BAZ1A: variants seen among roughly 807,000 people sequenced by gnomAD.
The protein encoded by BAZ1A is bromodomain adjacent to zinc finger domain 1A.
A neutral mutation model predicts 185.2 loss-of-function variants in BAZ1A; 50 were observed. The observed-to-expected ratio is 0.27, with a 90% CI of 0.22 to 0.34. BAZ1A has a LOEUF of 0.34. BAZ1A is among the 10% of genes least tolerant of loss of function. The pLI is 1.00. For missense variants in BAZ1A, 1,356 were observed against 1,839.9 expected, an observed-to-expected ratio of 0.74 and a Z score of 4.81; for synonymous variants, 571 against 615.6, an observed-to-expected ratio of 0.93 and a Z score of 1.07.
Position 34,758,843 on chromosome 14 carries a change from G to C in BAZ1A, c.4247C>G (p.Pro1416Arg), listed in dbSNP as rs552576780. The C allele has an allele frequency of 6.2e-7, 1 of 1,612,706 alleles. No individual in the cohort carries two copies. Among genetic ancestry groups the C allele is most frequent in the Non-Finnish European group, 8.5e-7 (1 of 1,179,710 alleles). Residue 1416 changes from proline to arginine, a missense_variant, in exon 25 of 27, where the codon CCA becomes CGA. This residue lies in a region of BAZ1A where 309 missense variants were observed against 355.3 expected (regional missense o/e 0.87). Coordinates refer to ENST00000360310, the MANE Select transcript of BAZ1A (RefSeq NM_013448.3). ...CCTTCGACCCAGTGTCACAGGCGAT[G>C]GCTCTGAGTAAATAATTACAACATT... ...RRCRKRQSPE[P>R]SPVTLGRRSS...
Position 34,775,835 on chromosome 14 carries a change from T to C in BAZ1A, c.2833+84A>G, listed in dbSNP as rs567332966. 210 of 1,048,726 alleles carry C rather than the reference T, an allele frequency of 2.0e-4. No individual in the cohort carries two copies. The Middle Eastern group carries it at 2.5e-3, about 13-fold the overall frequency. 65.0% of individuals were successfully genotyped at this position (1,048,726 alleles called of 1,614,324 possible). Reference sequence around the variant, plus strand: ...TAAGGTGTTGTAAATGTATTTCTAATAGGTTGCAAAAACGCTTAATCCTGA... The same window carrying C: ...TAAGGTGTTGTAAATGTATTTCTAACAGGTTGCAAAAACGCTTAATCCTGA... On this transcript the variant is annotated intron_variant, in intron 18 of 26. Coordinates refer to ENST00000360310, the MANE Select transcript of BAZ1A (RefSeq NM_013448.3).
intron 12 of BAZ1A, among the ~76,000 whole-genome samples, chr14:34,791,753 G>T (rs1454566509): frequency 6.6e-6 from 1 of 152,152 alleles, no homozygotes; most frequent in Non-Finnish European, 1.5e-5. Flanking sequence ...TCAAGTTTCT[G>T]GTCCTAAATC....
chr14:34,867,455 GC>G (rs1008997629), intron 2 of BAZ1A, among the ~76,000 whole-genome samples: 2 of 143,184 alleles, frequency 1.4e-5, no homozygotes, highest in African/African-American at 4.9e-5. Flanking sequence ...TCATGCCATG[GC>G]AGGGGGACAG....
chr14:34,801,004 C>A, intron 8 of BAZ1A, 90 bp downstream of exon 8: 8 of 847,060 alleles, frequency 9.4e-6, no homozygotes, highest in East Asian at 6.0e-5. Flanking sequence ...TAACCAGAAA[C>A]ATGCCATTTC....
Position 34,764,780 on chromosome 14 carries a change from C to G in BAZ1A, c.3703G>C (p.Glu1235Gln). The change falls in exon 23 of 27, where the codon GAA becomes CAA. Residue 1235 changes from glutamate to glutamine, a missense_variant. Coordinates refer to ENST00000360310, the MANE Select transcript of BAZ1A (RefSeq NM_013448.3). Reference sequence around the variant, plus strand: ...TACTCTTCCTCCTCACTTTGACCTTCTTCTTCATCGCCATCAACTTCATCA... The same window carrying G: ...TACTCTTCCTCCTCACTTTGACCTTGTTCTTCATCGCCATCAACTTCATCA... ...EDDEVDGDEE[E>Q]GQSEEEEYEV... The G allele has an allele frequency of 1.2e-6, 2 of 1,611,286 alleles. No individual in the cohort carries two copies. Among genetic ancestry groups the G allele is most frequent in the African/African-American group, 2.7e-5 (2 of 74,986 alleles).
At chr14:34,869,022 C>T (rs1276911146) in intron 2 of BAZ1A, among the ~76,000 whole-genome samples, 3 of 150,404 alleles carry the variant, frequency 2.0e-5, no homozygotes, top group East Asian at 2.0e-4. Context: ...CTGGCTAACA[C>T]GGTGAAACCT....
chr14:34,861,845 T>A (rs2042774059), intron 3 of BAZ1A, among the ~76,000 whole-genome samples, 199 bp downstream of exon 3: 1 of 152,160 alleles, frequency 6.6e-6, no homozygotes, highest in Non-Finnish European at 1.5e-5. Context: ...CATGCACGTA[T>A]ATGTTTTTGG....
chr14:34,772,322 T>C (rs191419738), intron 20 of BAZ1A, among the ~76,000 whole-genome samples: 37 of 152,236 alleles, frequency 2.4e-4, no homozygotes, highest in African/African-American at 8.4e-4. Context: ...CTTCCCAGTG[T>C]CCTATTTTTC....
chr14:34,754,417 C>CAAAA (rs111245900), intron 26 of BAZ1A, among the ~76,000 whole-genome samples: 1 of 104,894 alleles, frequency 9.5e-6, no homozygotes, highest in African/African-American at 3.6e-5. Flanking sequence ...AGACGTATCT[C>CAAAA]AAAAAAAAAA....
intron 17 of BAZ1A, among the ~76,000 whole-genome samples, chr14:34,777,611 T>C: frequency 7.4e-6 from 1 of 135,566 alleles, no homozygotes; most frequent in African/African-American, 2.8e-5. Flanking sequence ...GCCACTGTAC[T>C]CCACCCTGGG....
chr14:34,861,979 T>C (rs1223724004), intron 3 of BAZ1A, 65 bp downstream of exon 3: 10 of 1,534,968 alleles, frequency 6.5e-6, no homozygotes, highest in Non-Finnish European at 8.9e-6. Context: ...CACCACTTTG[T>C]GTGTTTTGGA....
intron 21 of BAZ1A, among the ~76,000 whole-genome samples, chr14:34,766,809 A>C (rs1361824017): frequency 6.6e-6 from 1 of 152,236 alleles, no homozygotes; most frequent in East Asian, 1.9e-4. Context: ...GAGGAATGAG[A>C]GTTAATCAAA....
At chr14:34,845,676 T>C (rs1255046942) in intron 3 of BAZ1A, among the ~76,000 whole-genome samples, 3 of 151,896 alleles carry the variant, frequency 2.0e-5, no homozygotes, top group Admixed American at 6.6e-5. Context: ...CTGGCTAACA[T>C]GGTGAAAAAC....
chr14:34,795,928 C>T (rs1881166018), intron 9 of BAZ1A, among the ~76,000 whole-genome samples, 163 bp from the exon 10 acceptor site: 1 of 152,092 alleles, frequency 6.6e-6, no homozygotes, highest in South Asian at 2.1e-4. Flanking sequence ...TTCTAGCAAG[C>T]CCTTCTGGTG....
rs1408386235 is a variant in BAZ1A at position 34,761,977 on chromosome 14, G to C, written c.4023C>G (p.Gly1341=). 1.2e-6 allele frequency: 2 copies of C among 1,614,044 alleles called. No individual in the cohort carries two copies. The highest frequency in any genetic ancestry group is 1.7e-6 in the Non-Finnish European group (2 of 1,180,040). ...CCACAAATACATCTGCTTGCAGTGGGCCATGACTGTGGCGAGTAGAACGAC... is the reference window on the plus strand; with the variant it reads ...CCACAAATACATCTGCTTGCAGTGGCCCATGACTGTGGCGAGTAGAACGAC... The part of the protein sequence containing the change: ...IASRSTRHSH[G]PLQADVFVEL... Residue 1341 remains glycine (G), a synonymous_variant, in exon 24 of 27, where the codon GGC becomes GGG. Coordinates refer to ENST00000360310, the MANE Select transcript of BAZ1A (RefSeq NM_013448.3).
At position 34,758,804 on chromosome 14, in the gene BAZ1A, T is replaced by C. The variant is rs896255449; in HGVS notation, c.4286A>G (p.Gln1429Arg). The change falls in exon 25 of 27, where the codon CAG (glutamine) becomes CGG (arginine). Residue 1429 changes from glutamine to arginine, a missense_variant. Coordinates refer to ENST00000360310, the MANE Select transcript of BAZ1A (RefSeq NM_013448.3). ...VTLGRRSSGR[Q>R]GGVHELSAFE... ...AGCAGACAATTCATGAACTCCTCCCTGTCGGCCAGAACTCCTTCGACCCAG... is the reference window on the plus strand; with the variant it reads ...AGCAGACAATTCATGAACTCCTCCCCGTCGGCCAGAACTCCTTCGACCCAG... 1 of 1,614,192 alleles carries C rather than the reference T, an allele frequency of 6.2e-7. No homozygotes were observed. The highest frequency in any genetic ancestry group is 1.1e-5 in the South Asian group (1 of 91,080).
intron 4 of BAZ1A, among the ~76,000 whole-genome samples, chr14:34,820,842 T>C (rs1335122854): frequency 6.6e-6 from 1 of 152,226 alleles, no homozygotes; most frequent in Non-Finnish European, 1.5e-5. Flanking sequence ...GTTTTGCCTT[T>C]GCTGCTTTGT....
At chr14:34,786,044 A>G (rs1011461602) in intron 13 of BAZ1A, 43 bp from the exon 14 acceptor site, 5 of 1,595,940 alleles carry the variant, frequency 3.1e-6, no homozygotes, top group Non-Finnish European at 4.3e-6. Flanking sequence ...AATATAAACA[A>G]TAAATACTCA....
chr14:34,843,343 G>A (rs924943795), intron 3 of BAZ1A, among the ~76,000 whole-genome samples: 4 of 152,156 alleles, frequency 2.6e-5, no homozygotes, highest in Non-Finnish European at 1.5e-5. Flanking sequence ...CATACAGCAC[G>A]CTGAGGCTTG....
Sources: allele counts gnomAD v4.1 joint callset (sites outside exome capture counted in the v4.1 genomes callset), GRCh38; gene constraint gnomAD v4.1.1; regional missense constraint gnomAD v4.1.1; transcripts MANE v1.5; gene names NCBI Gene and HGNC (gene_info 2026-07-23, HGNC 2026-07-21).